SPAST: variants seen among roughly 807,000 people sequenced by gnomAD.
SPAST encodes the protein spastin.
A neutral mutation model predicts 76.6 loss-of-function variants in SPAST; 30 were observed. The ratio of observed to expected loss-of-function variants is 0.39; its 90% CI spans 0.29 to 0.53. The LOEUF (loss-of-function observed/expected upper bound fraction) is 0.53. Among genes scored for constraint, SPAST ranks in the 20% least tolerant of loss-of-function variants. The pLI is 0.68. For missense variants in SPAST, 717 were observed against 770.5 expected, an observed-to-expected ratio of 0.93 and a Z score of 0.82; for synonymous variants, 305 against 281.0, an observed-to-expected ratio of 1.09 and a Z score of -0.86.
intron 1 of SPAST, among the ~76,000 whole-genome samples, chr2:32,070,100 C>G (rs1482652425): frequency 1.4e-5 from 2 of 145,888 alleles, no homozygotes; most frequent in Non-Finnish European, 3.0e-5. Flanking sequence ...GAGTCTTGCT[C>G]TGTCACCCAC....
At chr2:32,107,317 C>G (rs1455736541) in intron 4 of SPAST, among the ~76,000 whole-genome samples, 1 of 152,088 alleles carries the variant, frequency 6.6e-6, no homozygotes, top group Non-Finnish European at 1.5e-5. Context: ...ACTGCAACCT[C>G]CGCAGCCTCC....
At chr2:32,129,280 C>T (rs1679293724) in intron 9 of SPAST, 3 of 148,532 alleles carry the variant, frequency 2.0e-5, no homozygotes, top group Admixed American at 1.4e-4. Context: ...AATAGAGACA[C>T]AGTCTCGCTA....
At chr2:32,115,551 A>G in intron 5 of SPAST, 151 bp from the exon 6 acceptor site, 1 of 576,280 alleles carries the variant, frequency 1.7e-6, no homozygotes, top group Non-Finnish European at 3.1e-6. Context: ...ATACAGTTTT[A>G]CCTTCAGGTA....
At chr2:32,110,200 C>T (rs561797691) in intron 4 of SPAST, among the ~76,000 whole-genome samples, 3 of 147,398 alleles carry the variant, frequency 2.0e-5, no homozygotes, top group Non-Finnish European at 4.5e-5. Context: ...CTTACCGCAA[C>T]CTCTGCTTCC....
At chr2:32,090,019 C>T (rs2148710905) in intron 3 of SPAST, among the ~76,000 whole-genome samples, 1 of 152,346 alleles carries the variant, frequency 6.6e-6, no homozygotes, top group South Asian at 2.1e-4. Context: ...CCGCCTCGGC[C>T]TCCCGAAGTG....
rs1678822136 is a variant in SPAST, at chr2:32,116,087, A to G, written c.1005-32A>G. The G allele has an allele frequency of 3.4e-6, 5 of 1,472,136 alleles. No individual in the cohort carries two copies. The East Asian group carries it at 1.1e-4, about 33-fold the overall frequency. The allele number at this position is 1,472,136 out of a possible 1,614,324, so 91.2% of individuals were successfully genotyped here. A position where few individuals can be genotyped will look rare whatever the true frequency, so the allele number is the denominator to read the frequency against. On this transcript the variant is annotated intron_variant, in intron 6 of 16. Transcript: ENST00000315285. ...CTTGTAATAACTGGGCCCTGTTTGT[A>G]TCGTAGAACTAACTGAGGTCTTGTT...
chr2:32,111,572 T>C (rs1558321123), intron 4 of SPAST, among the ~76,000 whole-genome samples: 1 of 151,464 alleles, frequency 6.6e-6, no homozygotes, highest in Admixed American at 6.6e-5. Context: ...TATTATATAT[T>C]AATGATATTT....
intron 1 of SPAST, among the ~76,000 whole-genome samples, chr2:32,071,441 T>C (rs1354161927): frequency 6.6e-6 from 1 of 152,158 alleles, no homozygotes; most frequent in Non-Finnish European, 1.5e-5. Context: ...AATAACTTCG[T>C]CAATGAAAAG....
intron 1 of SPAST, among the ~76,000 whole-genome samples, chr2:32,068,439 A>C (rs1271935780): frequency 6.6e-6 from 1 of 151,362 alleles, no homozygotes; most frequent in Admixed American, 6.6e-5. Flanking sequence ...CTCCTGCCTC[A>C]GCCTCCCCAG....
At chr2:32,114,111 A>C (rs1456043694) in intron 4 of SPAST, among the ~76,000 whole-genome samples, 1 of 152,056 alleles carries the variant, frequency 6.6e-6, no homozygotes, top group Admixed American at 6.6e-5. Flanking sequence ...TTTAATAAGA[A>C]AATTAGAATA....
chr2:32,102,149 A>C (rs1024954507), intron 4 of SPAST, among the ~76,000 whole-genome samples: 18 of 151,908 alleles, frequency 1.2e-4, no homozygotes, highest in South Asian at 6.3e-4. Context: ...CTTTTATTTC[A>C]TTGAGCAGTG....
In SPAST at chr2:32,069,301, G is replaced by C. The variant is rs187737849; in HGVS notation, c.415+5055G>C. Reference sequence around the variant, plus strand: ...TTTCTTTAGGAGATTGAATATTTTTGTACTTTAGTCTTAATCCAGTGGTTG... The same window carrying C: ...TTTCTTTAGGAGATTGAATATTTTTCTACTTTAGTCTTAATCCAGTGGTTG... On this transcript the variant is annotated intron_variant, in intron 1 of 16. Coordinates refer to ENST00000315285, the MANE Select transcript of SPAST (RefSeq NM_014946.4). Among the ~76,000 whole-genome samples, 983 of 151,134 alleles carry C rather than the reference G, an allele frequency of 6.5e-3. 17 individuals carry two copies. Among genetic ancestry groups the C allele is most frequent in the African/African-American group, 0.023 (949 of 41,190 alleles).
chr2:32,066,998 A>AAAAAAAAAAAAAAAAAACC (rs1676546234), intron 1 of SPAST, among the ~76,000 whole-genome samples: 2 of 126,356 alleles, frequency 1.6e-5, no homozygotes, highest in South Asian at 5.3e-4. Flanking sequence ...AAAAACCAAA[A>AAAAAAAAAAAAAAAAAACC]AAAAAAAAAC....
chr2:32,107,288 G>A (rs540770953), intron 4 of SPAST, among the ~76,000 whole-genome samples: 11 of 151,780 alleles, frequency 7.2e-5, no homozygotes, highest in Non-Finnish European at 1.0e-4. Flanking sequence ...GCTGGAGTGC[G>A]GTGGCGCAAT....
chr2:32,137,713 A>AT (rs1374587908), intron 12 of SPAST, among the ~76,000 whole-genome samples: 1 of 151,990 alleles, frequency 6.6e-6, no homozygotes, highest in African/African-American at 2.4e-5. Context: ...AAATAACTTG[A>AT]TTTTTTTCTC....
chr2:32,089,218 T>TTTTTTTTTTTTTTC lies in SPAST; in HGVS notation c.503-304_503-303insTTTTTTTTTTTTTC, dbSNP rs375850129. Among the ~76,000 whole-genome samples the TTTTTTTTTTTTTTC allele has an allele frequency of 1.1e-3, 138 of 129,972 alleles. 9 individuals are homozygous for TTTTTTTTTTTTTTC. Among genetic ancestry groups the TTTTTTTTTTTTTTC allele is most frequent in the East Asian group, 2.8e-3 (11 of 3,914 alleles). 85.3% of individuals were successfully genotyped at this position (129,972 alleles called of 152,430 possible). ...CGGCTAATTTTTTTTTTTTTTTTTT[T>TTTTTTTTTTTTTTC]AAGTAGAGACCAGATCTCTTTATGT... On this transcript the variant is annotated intron_variant, in intron 2 of 16. Coordinates refer to ENST00000315285, the MANE Select transcript of SPAST (RefSeq NM_014946.4).
intron 16 of SPAST, among the ~76,000 whole-genome samples, chr2:32,151,780 C>T (rs1680093587): frequency 6.6e-6 from 1 of 152,026 alleles, no homozygotes; most frequent in Admixed American, 6.6e-5. Context: ...CGTGGTGGCA[C>T]ATGCCTGTAA....
chr2:32,134,751 A>T (rs1008925381), intron 9 of SPAST, among the ~76,000 whole-genome samples: 9 of 152,196 alleles, frequency 5.9e-5, no homozygotes, highest in Non-Finnish European at 1.2e-4. Flanking sequence ...GCCGAAGTGC[A>T]GTTGTGCGAT....
At chr2:32,066,251 G>A (rs977299276) in intron 1 of SPAST, 5 of 152,118 alleles carry the variant, frequency 3.3e-5, no homozygotes, top group African/African-American at 1.2e-4. Flanking sequence ...TTGGATTACA[G>A]GTGTCAGCCA....
Sources: gnomAD v4.1 joint callset for allele counts (sites outside exome capture counted in the v4.1 genomes callset) on GRCh38, gnomAD v4.1.1 for gene constraint, MANE v1.5 for transcripts, NCBI Gene and HGNC (gene_info 2026-07-23, HGNC 2026-07-21) for gene names.